Variants in CMTR2 observed in about 807,000 individuals in gnomAD.
CMTR2 encodes the protein cap methyltransferase 2, also known as cap-specific mRNA (nucleoside-2'-O-)-methyltransferase 2.
In CMTR2, 40 loss-of-function variants were observed where a neutral mutation model predicts 49.8. The ratio of observed to expected loss-of-function variants is 0.80; its 90% confidence interval spans 0.62 to 1.04. CMTR2 has a LOEUF of 1.04. Among genes scored for constraint, CMTR2 ranks in the 50% least tolerant of loss-of-function variants. CMTR2 has a pLI of 0.00. For synonymous variants in CMTR2, 326 were observed against 315.8 expected, an observed-to-expected ratio of 1.03 and a Z score of -0.34; for missense variants, 907 against 897.2, an observed-to-expected ratio of 1.01 and a Z score of -0.14.
rs1385365166 is a variant in CMTR2 at position 71,282,565 on chromosome 16, G to T, written c.*1043C>A. The T allele has an allele frequency of 6.6e-6, 1 of 151,962 alleles. No individual in the cohort carries two copies. Among genetic ancestry groups the T allele is most frequent in the African/African-American group, 2.4e-5 (1 of 41,394 alleles). 9.4% of individuals were successfully genotyped at this position (151,962 alleles called of 1,614,324 possible). A position where few individuals can be genotyped will look rare whatever the true frequency, so the allele number is the denominator to read the frequency against. Reference sequence around the variant, plus strand: ...AAGAAATAAAATAACTCATTACATTGCAGATACAAAAGAAATCAAATGTAA... The same window carrying T: ...AAGAAATAAAATAACTCATTACATTTCAGATACAAAAGAAATCAAATGTAA... On this transcript the variant is annotated 3_prime_UTR_variant, in exon 3 of 3. Coordinates refer to ENST00000434935, the MANE Select transcript of CMTR2 (RefSeq NM_018348.6).
intron 2 of CMTR2, chr16:71,287,180 A>C (rs2041741519): frequency 6.6e-6 from 1 of 152,206 alleles, no homozygotes; most frequent in Non-Finnish European, 1.5e-5. Flanking sequence ...ATTGGCAATC[A>C]AATCATCACT....
chr16:71,286,679 T>C (rs1271149174), intron 2 of CMTR2: 3 of 151,818 alleles, frequency 2.0e-5, no homozygotes, highest in East Asian at 1.9e-4. Flanking sequence ...TGTACTTGAG[T>C]GGTTAGCCTT....
upstream of CMTR2, chr16:71,289,626 G>A (rs1244384198): frequency 1.3e-5 from 2 of 151,148 alleles, no homozygotes; most frequent in African/African-American, 4.9e-5. Context: ...GGGGTGAAAG[G>A]GAGAGGGACA....
At position 71,285,774 on chromosome 16, in the gene CMTR2, G is replaced by A. The variant is rs2144850428; in HGVS notation, c.147C>T (p.Pro49=). 5 of 1,614,006 alleles carry A rather than the reference G, an allele frequency of 3.1e-6. No individual in the cohort carries two copies. In the East Asian group the frequency reaches 1.1e-4, roughly 36 times the overall value. ...PLNNEWQLPD[P]SEIFTCDHTE... ...TGTGGTCACAGGTGAAAATCTCACT[G>A]GGATCTGGTAACTGCCACTCATTAT... The change falls in exon 3 of 3, where the codon CCC becomes CCT. Residue 49 remains proline, a synonymous_variant. Transcript: ENST00000434935.
At chr16:71,286,215 C>G (rs9938525) in intron 2 of CMTR2, among the ~76,000 whole-genome samples, 123,752 of 151,502 alleles carry the variant, frequency 0.82, 50,754 homozygotes, top group African/African-American at 0.89. Context: ...AAAAAAAAGC[C>G]TATCATTTTT....
chr16:71,288,380 C>T (rs933474286), intron 2 of CMTR2: 2 of 152,200 alleles, frequency 1.3e-5, no homozygotes, highest in Admixed American at 1.3e-4. Flanking sequence ...TACTTCCAAC[C>T]TATAACTTCC....
In CMTR2 at chr16:71,281,971, C is replaced by CT. The variant is rs750821851; in HGVS notation, c.*1636dup. The CT allele has an allele frequency of 1.2e-4, 17 of 146,086 alleles. No homozygotes were observed. Among genetic ancestry groups the CT allele is most frequent in the Admixed American group, 4.7e-4 (7 of 14,788 alleles). 9.0% of individuals were successfully genotyped at this position (146,086 alleles called of 1,614,324 possible). A position where few individuals can be genotyped will look rare whatever the true frequency, so the allele number is the denominator to read the frequency against. On this transcript the variant is annotated 3_prime_UTR_variant, in exon 3 of 3. Coordinates refer to ENST00000434935, the MANE Select transcript of CMTR2 (RefSeq NM_018348.6). ...TTTTCCAAGAGTGTTTTTTTTTTTC[C>CT]TCCTGGTAATCAACCTTCTGTCAGA...
In CMTR2 at chr16:71,284,153, T is replaced by C; in HGVS notation, c.1768A>G (p.Asn590Asp). 6.2e-7 allele frequency: 1 copy of C among 1,613,966 alleles called. No homozygotes were observed. Among genetic ancestry groups the C allele is most frequent in the Non-Finnish European group, 8.5e-7 (1 of 1,179,898 alleles). ...CLLVGFSTLR[N>D]IKMHIPLEVR... ...TCCAACGGTATATGCATTTTGATATTACGGAGAGTCGAAAAGCCCACCAGC... is the reference window on the plus strand; with the variant it reads ...TCCAACGGTATATGCATTTTGATATCACGGAGAGTCGAAAAGCCCACCAGC... The change falls in exon 3 of 3, where the codon AAT becomes GAT. Residue 590 changes from asparagine (N) to aspartate (D), a missense_variant. Coordinates refer to ENST00000434935, the MANE Select transcript of CMTR2 (RefSeq NM_018348.6).
In CMTR2 at chr16:71,285,338, T is replaced by G; in HGVS notation, c.583A>C (p.Asn195His). The change falls in exon 3 of 3, where the codon AAT becomes CAT. Residue 195 changes from asparagine (N) to histidine (H), a missense_variant. By Grantham distance (68) the Asn-to-His change is moderately conservative. Coordinates refer to ENST00000434935, the MANE Select transcript of CMTR2 (RefSeq NM_018348.6). ...MMIMDDRLIA[N>H]TLHWWYFGPD... ...CCAAAGTACCACCAGTGCAAGGTAT[T>G]TGCAATAAGCCGGTCATCCATAATC... 6.2e-7 allele frequency: 1 copy of G among 1,614,134 alleles called. No individual in the cohort carries two copies. Among genetic ancestry groups the G allele is most frequent in the Non-Finnish European group, 8.5e-7 (1 of 1,179,982 alleles).
Position 71,282,231 on chromosome 16 carries a change from A to G in CMTR2, c.*1377T>C, listed in dbSNP as rs2041622770. 6.6e-6 allele frequency: 1 copy of G among 152,074 alleles called. No homozygotes were observed. The highest frequency in any genetic ancestry group is 6.6e-5 in the Admixed American group (1 of 15,262). The allele number at this position is 152,074 out of a possible 1,614,324, so 9.4% of individuals were successfully genotyped here. A position where few individuals can be genotyped will look rare whatever the true frequency, so the allele number is the denominator to read the frequency against. On this transcript the variant is annotated 3_prime_UTR_variant, in exon 3 of 3. Coordinates refer to ENST00000434935, the MANE Select transcript of CMTR2 (RefSeq NM_018348.6). ...TAACTATCATTCAAAACTCCCTTTAAAAATGTCTGTTTCCAACTTATATTT... is the reference window on the plus strand; with the variant it reads ...TAACTATCATTCAAAACTCCCTTTAGAAATGTCTGTTTCCAACTTATATTT...
chr16:71,282,463 CACTTTGTGGA>C lies in CMTR2; in HGVS notation c.*1135_*1144del, dbSNP rs2041626666. On this transcript the variant is annotated 3_prime_UTR_variant, in exon 3 of 3. Coordinates refer to ENST00000434935, the MANE Select transcript of CMTR2 (RefSeq NM_018348.6). ...TGCATGTGAGAATATAAATATTCTC[CACTTTGTGGA>C]ACTTCAAGATAATGAAAAATTGCTT... 6.6e-6 allele frequency: 1 copy of C among 152,018 alleles called. No individual in the cohort carries two copies. Among genetic ancestry groups the C allele is most frequent in the Non-Finnish European group, 1.5e-5 (1 of 67,942 alleles). The allele number at this position is 152,018 out of a possible 1,614,324, so 9.4% of individuals were successfully genotyped here.
chr16:71,285,976 T>G, intron 2 of CMTR2, 37 bp from the exon 3 acceptor site: 12 of 1,467,842 alleles, frequency 8.2e-6, no homozygotes, highest in Non-Finnish European at 1.1e-5. Context: ...TGAATCAAAT[T>G]TATTAGTGAG....
rs761807488 is a variant in CMTR2, at chr16:71,283,822, C to A, written c.2099G>T (p.Arg700Leu). 1 of 1,613,876 alleles carries A rather than the reference C, an allele frequency of 6.2e-7. No homozygotes were observed. ...CAATTCATTCACACTCTGCAAATAT[C>A]GGAAAACTGGATTTGGAAGGTCCTG... ...GYQDLPNPVF[R>L]YLQSVNELLS... The change falls in exon 3 of 3, where the codon CGA (arginine) becomes CTA (leucine). Residue 700 changes from arginine to leucine, a missense_variant. Transcript: ENST00000434935.
At chr16:71,287,232 G>T (rs1276973261) in intron 2 of CMTR2, 1 of 152,020 alleles carries the variant, frequency 6.6e-6, no homozygotes, top group East Asian at 1.9e-4. Flanking sequence ...GAAACAAAGG[G>T]AACTACTGCT....
At position 71,288,921 on chromosome 16, in the gene CMTR2, ACTC is replaced by A. The variant is rs1449702441; in HGVS notation, c.-66_-64del. On this transcript the variant is annotated 5_prime_UTR_variant, in exon 2 of 3. Transcript: ENST00000434935. ...AAAGGAGTTCCAAGTGCTTCCGCCA[ACTC>A]CTCCTACCAGCAACTGTGAAAACAA... is the stretch of plus-strand genomic sequence containing the variant. 3.3e-5 allele frequency: 5 copies of A among 152,136 alleles called. No individual in the cohort carries two copies. The highest frequency in any genetic ancestry group is 7.3e-5 in the African/African-American group (3 of 41,378). The allele number at this position is 152,136 out of a possible 1,614,324, so 9.4% of individuals were successfully genotyped here.
chr16:71,284,502 T>G lies in CMTR2; in HGVS notation c.1419A>C (p.Val473=), dbSNP rs771840302. 5.6e-6 allele frequency: 9 copies of G among 1,613,848 alleles called. No individual in the cohort carries two copies. In the South Asian group the frequency reaches 8.8e-5, roughly 16 times the overall value. ...YFNSWAEEHG[V]YHPGQSSILE... is the part of the protein sequence containing the mutation. The stretch of plus-strand genomic sequence containing the variant: ...AAATAGAACTCTGCCCAGGATGATA[T>G]ACACCATGTTCTTCAGCCCAACTAT... Residue 473 remains valine, a synonymous_variant, in exon 3 of 3, where the codon GTA becomes GTC. Transcript: ENST00000434935.
Position 71,283,140 on chromosome 16 carries a change from T to G in CMTR2, c.*468A>C, listed in dbSNP as rs186060482. 11 of 154,536 alleles carry G rather than the reference T, an allele frequency of 7.1e-5. No homozygotes were observed. The highest frequency in any genetic ancestry group is 5.8e-4 in the Admixed American group (9 of 15,530). 9.6% of individuals were successfully genotyped at this position (154,536 alleles called of 1,614,324 possible). ...GTGTTGCTGAACAGTGATTTACTCATTTCCTTTCCTCAATTACCTCTCTCA... is the reference window on the plus strand; with the variant it reads ...GTGTTGCTGAACAGTGATTTACTCAGTTCCTTTCCTCAATTACCTCTCTCA... On this transcript the variant is annotated 3_prime_UTR_variant, in exon 3 of 3. Transcript: ENST00000434935.
In CMTR2 at chr16:71,284,034, G is replaced by A. The variant is rs1184011765; in HGVS notation, c.1887C>T (p.Cys629=). ...DPTYQRLFLD[C]LLHSLRELHT... ...GAAGCTCCCGCAATGAATGTAGAAG[G>A]CAGTCCAAAAATAAACGCTGGTAAG... Residue 629 remains cysteine (C), a synonymous_variant, in exon 3 of 3, where the codon TGC becomes TGT. Coordinates refer to ENST00000434935, the MANE Select transcript of CMTR2 (RefSeq NM_018348.6). 1 of 1,613,874 alleles carries A rather than the reference G, an allele frequency of 6.2e-7. No individual in the cohort carries two copies. The highest frequency in any genetic ancestry group is 8.5e-7 in the Non-Finnish European group (1 of 1,179,914).
Position 71,286,105 on chromosome 16 carries a change from G to A in CMTR2, c.-19-166C>T, listed in dbSNP as rs80092957. The stretch of plus-strand genomic sequence containing the variant: ...AATCTGGAATAATGAAAAAGGCTTT[G>A]ATATCCAAGACCTGGGTTCAAATTC... On this transcript the variant is annotated intron_variant, in intron 2 of 2. Transcript: ENST00000434935. 1.2e-3 allele frequency among the ~76,000 whole-genome samples: 183 copies of A among 152,028 alleles called. 3 individuals carry two copies. The highest frequency in any genetic ancestry group is 3.5e-3 in the African/African-American group (144 of 41,442).
Sources: allele counts gnomAD v4.1 joint callset (sites outside exome capture counted in the v4.1 genomes callset), GRCh38; gene constraint gnomAD v4.1.1; transcripts MANE v1.5; gene names NCBI Gene and HGNC (gene_info 2026-07-23, HGNC 2026-07-21).